The following CLIP1 variants were observed in gnomAD, a reference collection of about 807,000 sequenced individuals.
CLIP1 encodes the protein CAP-Gly domain containing linker protein 1.
In CLIP1, 66 loss-of-function variants were observed where a neutral mutation model predicts 161.6. The observed-to-expected ratio is 0.41, with a 90% CI of 0.33 to 0.50. The LOEUF (loss-of-function observed/expected upper bound fraction) is 0.50, where lower values mean the gene tolerates loss of function less well. CLIP1 is among the 20% of genes least tolerant of loss of function. The pLI, the probability that CLIP1 is intolerant of heterozygous loss-of-function variation, is 0.27. For synonymous variants in CLIP1, 598 were observed against 626.2 expected (o/e 0.96, Z 0.67); for missense variants, 1,376 against 1,702.0 (o/e 0.81, Z 3.37).
intron 1 of CLIP1, chr12:122,395,287 ATC>A (rs1955869671): frequency 6.6e-6 from 1 of 152,192 alleles, no homozygotes; most frequent in African/African-American, 2.4e-5. Flanking sequence ...TCATTATACG[ATC>A]TCTTTCAGCA....
At chr12:122,273,804 T>C (rs964805993) in intron 25 of CLIP1, among the ~76,000 whole-genome samples, 2 of 152,008 alleles carry the variant, frequency 1.3e-5, no homozygotes, top group Non-Finnish European at 2.9e-5. Context: ...CAATCTCGGC[T>C]CATTGCAACC....
In CLIP1 at chr12:122,279,532, A is replaced by C. The variant is rs976659016; in HGVS notation, c.3648-387T>G. On this transcript the variant is annotated intron_variant, in intron 21 of 25. Transcript: ENST00000620786. The surrounding 1 kb of genome is among the most constrained non-coding windows in gnomAD (Gnocchi z 4.5). ...CTTGAATAAATTATTACCAAGCAAT[A>C]ACGACAATTAAAATACACACATGCA... is the stretch of plus-strand genomic sequence containing the variant. 1.3e-5 allele frequency: 2 copies of C among 153,718 alleles called. No homozygotes were observed. Among genetic ancestry groups the C allele is most frequent in the Non-Finnish European group, 2.9e-5 (2 of 69,152 alleles). 9.5% of individuals were successfully genotyped at this position (153,718 alleles called of 1,614,324 possible).
chr12:122,390,339 G>A (rs1265474867), intron 1 of CLIP1, among the ~76,000 whole-genome samples: 2 of 137,256 alleles, frequency 1.5e-5, no homozygotes, highest in Non-Finnish European at 3.1e-5. Context: ...TTTAAACGGA[G>A]TCTCGCTCTG....
intron 5 of CLIP1, among the ~76,000 whole-genome samples, chr12:122,356,794 C>A (rs1034075945): frequency 2.0e-5 from 3 of 152,216 alleles, no homozygotes; most frequent in African/African-American, 7.2e-5. Context: ...CGCGCCGCCA[C>A]GCCTGACTGG....
chr12:122,350,095 G>A (rs1256527803), intron 9 of CLIP1, among the ~76,000 whole-genome samples: 1 of 151,806 alleles, frequency 6.6e-6, no homozygotes, highest in East Asian at 1.9e-4. Context: ...AGTAGAGACA[G>A]GGTTTCACCA....
intron 24 of CLIP1, chr12:122,277,860 G>A (rs1345070516): frequency 6.2e-6 from 2 of 320,442 alleles, no homozygotes; most frequent in African/African-American, 2.2e-5. Flanking sequence ...AGGGAAGACT[G>A]TATTAGTGCT....
intron 15 of CLIP1, among the ~76,000 whole-genome samples, chr12:122,330,597 GTTTTTTT>G (rs71082966): frequency 9.9e-6 from 1 of 101,404 alleles, no homozygotes; most frequent in African/African-American, 4.4e-5. Flanking sequence ...GTATAATGCA[GTTTTTTT>G]TTTTTTTTTT....
At chr12:122,316,951 G>A in intron 18 of CLIP1, 96 bp from the exon 19 acceptor site, 1 of 736,930 alleles carries the variant, frequency 1.4e-6, no homozygotes, top group Non-Finnish European at 2.1e-6. Context: ...TGAAAAGACA[G>A]ATGAAATTAG....
rs1324172594 is a variant in CLIP1 at position 122,341,615 on chromosome 12, C to T, written c.1589G>A (p.Arg530Gln). 6 of 1,613,326 alleles carry T rather than the reference C, an allele frequency of 3.7e-6. No homozygotes were observed. Among genetic ancestry groups the T allele is most frequent in the East Asian group, 4.5e-5 (2 of 44,886 alleles). ...ALRVQEVAELRRRLESNKPAG... is the reference protein window; with the variant it reads ...ALRVQEVAELQRRLESNKPAG... ...AGGCTTATTGGACTCTAGCCTTCTTCGGAGCTCAGCTACTTCCTGTACTCT... is the reference window on the plus strand; with the variant it reads ...AGGCTTATTGGACTCTAGCCTTCTTTGGAGCTCAGCTACTTCCTGTACTCT... Residue 530 changes from arginine to glutamine, a missense_variant, in exon 11 of 26, where the codon CGA becomes CAA. Arg to Gln is a conservative substitution (Grantham distance 43, BLOSUM62 1). This residue lies in a region of CLIP1 where 948 missense variants were observed against 1,134.8 expected (regional missense o/e 0.84). Transcript: ENST00000620786.
intron 19 of CLIP1, among the ~76,000 whole-genome samples, chr12:122,310,699 A>T (rs1391786646): frequency 6.6e-6 from 1 of 152,218 alleles, no homozygotes; most frequent in African/African-American, 2.4e-5. Flanking sequence ...GTTTTATGCT[A>T]TAGAGGGTTT....
intron 24 of CLIP1, 169 bp from the exon 25 acceptor site, chr12:122,274,331 T>G: frequency 1.8e-6 from 1 of 548,586 alleles, no homozygotes; most frequent in Non-Finnish European, 3.3e-6. Flanking sequence ...ACAGGCATGC[T>G]GAGATTGTGT....
At chr12:122,276,669 T>C in intron 24 of CLIP1, 1 of 329,354 alleles carries the variant, frequency 3.0e-6, no homozygotes, top group South Asian at 2.6e-5. Context: ...ATATAAAATG[T>C]GGCTTTTGTA....
chr12:122,309,971 AT>A, intron 19 of CLIP1, 89 bp from the exon 20 acceptor site: 2 of 1,466,564 alleles, frequency 1.4e-6, no homozygotes, highest in Admixed American at 3.7e-5. Flanking sequence ...ACTGAAGAAA[AT>A]ATATCTGGGT....
intron 21 of CLIP1, 142 bp downstream of exon 21, chr12:122,288,347 G>T: frequency 1.5e-6 from 1 of 688,860 alleles, no homozygotes; most frequent in Non-Finnish European, 2.4e-6. Flanking sequence ...TTCATATTTT[G>T]TCAGTTACAA....
At chr12:122,276,667 T>G in intron 24 of CLIP1, 1 of 329,172 alleles carries the variant, frequency 3.0e-6, no homozygotes, top group South Asian at 2.6e-5. Flanking sequence ...AAATATAAAA[T>G]GTGGCTTTTG....
chr12:122,318,161 G>C lies in CLIP1; in HGVS notation c.3366+1071C>G, dbSNP rs959290171. On this transcript the variant is annotated intron_variant, in intron 18 of 25. Transcript: ENST00000620786. Reference sequence around the variant, plus strand: ...CTTGACCTCCACAATGAGGAGGCCTGGTCTTTACAGTGGCTCCTCAGTTTG... The same window carrying C: ...CTTGACCTCCACAATGAGGAGGCCTCGTCTTTACAGTGGCTCCTCAGTTTG... 2.6e-5 allele frequency among the ~76,000 whole-genome samples: 4 copies of C among 152,168 alleles called. No individual in the cohort carries two copies. The East Asian group carries it at 7.7e-4, about 29-fold the overall frequency.
At chr12:122,350,994 G>A (rs1432892849) in intron 9 of CLIP1, 117 bp downstream of exon 9, 1 of 707,894 alleles carries the variant, frequency 1.4e-6, no homozygotes, top group Non-Finnish European at 2.3e-6. Context: ...AAACATTAAG[G>A]TCAATGTCCC....
At chr12:122,351,037 A>C (rs1429643196) in intron 9 of CLIP1, 74 bp downstream of exon 9, 1 of 1,135,270 alleles carries the variant, frequency 8.8e-7, no homozygotes, top group Non-Finnish European at 1.3e-6. Flanking sequence ...GTTTGAGTAT[A>C]TCAATAAGCA....
intron 1 of CLIP1, among the ~76,000 whole-genome samples, chr12:122,412,466 C>T (rs1956577565): frequency 6.6e-6 from 1 of 151,928 alleles, no homozygotes; most frequent in South Asian, 2.1e-4. Flanking sequence ...ACCAGCCTGG[C>T]CAACATGGCG....
Sources: allele counts gnomAD v4.1 joint callset (sites outside exome capture counted in the v4.1 genomes callset), GRCh38; gene constraint gnomAD v4.1.1; regional missense constraint gnomAD v4.1.1; non-coding constraint Gnocchi (gnomAD v3.1); transcripts MANE v1.5; gene names NCBI Gene and HGNC (gene_info 2026-07-23, HGNC 2026-07-21).